Variants in MZT2B observed in about 807,000 individuals in gnomAD.
MZT2B encodes mitotic-spindle organizing protein 2B.
Under a neutral mutation model 12.1 loss-of-function variants are expected in MZT2B, and 11 were observed. The ratio of observed to expected loss-of-function variants is 0.91; its 90% CI spans 0.57 to 1.50. MZT2B has a LOEUF of 1.50. Ranked by LOEUF, MZT2B falls within the 40% of genes most tolerant of loss-of-function variation. The probability of loss-of-function intolerance (pLI) is 0.00; values close to 1 mark genes in which losing one functional copy is unlikely to be tolerated. For missense variants in MZT2B, 209 were observed against 227.7 expected (o/e 0.92, Z 0.53); for synonymous variants, 85 against 109.5 (o/e 0.78, Z 1.40).
chr2:130,187,707 G>A (rs1324223528), intron 2 of MZT2B, among the ~76,000 whole-genome samples: 1 of 152,166 alleles, frequency 6.6e-6, no homozygotes, highest in Non-Finnish European at 1.5e-5. Context: ...AGGCACTGCA[G>A]GCCATTCTAT....
chr2:130,198,103 C>A, the MZT2B span, among the ~76,000 whole-genome samples: 3 of 122,958 alleles, frequency 2.4e-5, 1 homozygote, highest in African/African-American at 8.7e-5. Context: ...ACTATTTGCT[C>A]TCTGGGGGAC....
chr2:130,183,713 C>G lies in MZT2B; in HGVS notation c.319+938C>G, dbSNP rs901532086. 7 of 1,550,196 alleles carry G rather than the reference C, an allele frequency of 4.5e-6. No homozygotes were observed. In the Admixed American group the frequency reaches 5.9e-5, roughly 13 times the overall value. ...CCACACCCGCTGACCCAAGAGGGCC[C>G]GGGCACCTGCGTGCTGGCCTCTTCA... On this transcript the variant is annotated intron_variant, in intron 2 of 2. Coordinates refer to ENST00000281871, the MANE Select transcript of MZT2B (RefSeq NM_025029.5).
At chr2:130,191,285 CTG>C (rs2104744745), downstream of MZT2B, among the ~76,000 whole-genome samples, 1 of 152,292 alleles carries the variant, frequency 6.6e-6, no homozygotes, top group South Asian at 2.1e-4. Flanking sequence ...CCGTGGAGCA[CTG>C]GGGTCAGCAT....
At chr2:130,185,936 G>T (rs1690043652) in intron 2 of MZT2B, among the ~76,000 whole-genome samples, 1 of 152,102 alleles carries the variant, frequency 6.6e-6, no homozygotes, top group Non-Finnish European at 1.5e-5. Flanking sequence ...GGGCACCGAG[G>T]CCCTGTGGAG....
chr2:130,200,496 A>C, the MZT2B span, among the ~76,000 whole-genome samples: 1 of 152,212 alleles, frequency 6.6e-6, no homozygotes, highest in African/African-American at 2.4e-5. Flanking sequence ...TCAGGAACAA[A>C]ATGCCTTTAA....
At chr2:130,203,041 CT>C in the MZT2B span, among the ~76,000 whole-genome samples, 1 of 138,246 alleles carries the variant, frequency 7.2e-6, no homozygotes, top group Non-Finnish European at 1.5e-5. Flanking sequence ...TTTTTCTTTT[CT>C]TTTTTCTTTT....
upstream of MZT2B, chr2:130,182,118 T>C: frequency 7.8e-7 from 1 of 1,283,964 alleles, no homozygotes; most frequent in South Asian, 2.0e-5. Context: ...GCCCAATAAC[T>C]GTTGGGCTTC....
chr2:130,187,574 A>G (rs2104733663), intron 2 of MZT2B, among the ~76,000 whole-genome samples: 1 of 152,308 alleles, frequency 6.6e-6, no homozygotes, highest in South Asian at 2.1e-4. Context: ...TAGGGGCATC[A>G]GTCACCCCGC....
At chr2:130,195,651 A>G (rs1236232826), downstream of MZT2B, among the ~76,000 whole-genome samples, 1 of 152,234 alleles carries the variant, frequency 6.6e-6, no homozygotes, top group Non-Finnish European at 1.5e-5. Context: ...ACAGGCTTTC[A>G]GGTGATGCTG....
At chr2:130,198,454 C>T in the MZT2B span, 28 of 1,314,090 alleles carry the variant, frequency 2.1e-5, 7 homozygotes, top group African/African-American at 1.9e-4. Flanking sequence ...TGCCCACGCG[C>T]GCCGCACAGG....
downstream of MZT2B, chr2:130,195,273 C>T: frequency 6.3e-7 from 1 of 1,598,700 alleles, no homozygotes; most frequent in African/African-American, 1.3e-5. Context: ...GGCCTGTACT[C>T]ACCAAGATGG....
the MZT2B span, chr2:130,196,434 G>A: frequency 3.8e-6 from 6 of 1,568,516 alleles, no homozygotes; most frequent in East Asian, 9.0e-5. Context: ...TATATGGCAT[G>A]CAAAATATTC....
chr2:130,192,087 C>T (rs781666196), downstream of MZT2B: 6 of 1,606,376 alleles, frequency 3.7e-6, no homozygotes, highest in East Asian at 1.3e-4. Flanking sequence ...GGCCAGGTCT[C>T]CCCCGGGGAC....
intron 2 of MZT2B, among the ~76,000 whole-genome samples, chr2:130,188,581 C>T (rs916713219): frequency 2.6e-5 from 4 of 152,178 alleles, no homozygotes; most frequent in Non-Finnish European, 1.5e-5. Flanking sequence ...CTCAGGGCAA[C>T]CCTGACTCCA....
At chr2:130,183,806 C>T (rs1168121053) in intron 2 of MZT2B, 1 of 1,550,736 alleles carries the variant, frequency 6.4e-7, no homozygotes, top group South Asian at 1.2e-5. Context: ...TTCTCTCTGC[C>T]AGGAACAGTA....
At chr2:130,184,778 A>G (rs753830196) in intron 2 of MZT2B, 1 of 985,422 alleles carries the variant, frequency 1.0e-6, no homozygotes, top group Non-Finnish European at 1.2e-6. Context: ...GCACTCACTC[A>G]GGGCTCTGGG....
At chr2:130,183,968 T>C (rs1257343406) in intron 2 of MZT2B, 18 of 1,550,474 alleles carry the variant, frequency 1.2e-5, no homozygotes, top group Non-Finnish European at 1.5e-5. Flanking sequence ...CTTTTGCAGG[T>C]TGCGTTTATT....
upstream of MZT2B, chr2:130,181,861 C>T (rs1689682496): frequency 6.5e-7 from 1 of 1,531,722 alleles, no homozygotes. Flanking sequence ...GTGCCCCCCC[C>T]TTCCCCCCGC....
downstream of MZT2B, chr2:130,193,683 C>T: frequency 7.0e-7 from 1 of 1,436,334 alleles, no homozygotes; most frequent in Non-Finnish European, 9.4e-7. Context: ...ATGCCTAGCC[C>T]ATGGAACAGG....
Sources: allele counts gnomAD v4.1 joint callset (sites outside exome capture counted in the v4.1 genomes callset), GRCh38; gene constraint gnomAD v4.1.1; transcripts MANE v1.5; gene names NCBI Gene and HGNC (gene_info 2026-07-23, HGNC 2026-07-21).